The following BATF3 variants were observed in gnomAD, a reference collection of about 807,000 sequenced individuals.
The protein encoded by BATF3 is basic leucine zipper ATF-like transcription factor 3.
In BATF3, 8 loss-of-function variants were observed where a neutral mutation model predicts 16.1. That is an observed-to-expected ratio of 0.50 (90% CI 0.29 to 0.90). The LOEUF (loss-of-function observed/expected upper bound fraction) is 0.90, where lower values mean the gene tolerates loss of function less well. BATF3 is among the 40% of genes least tolerant of loss of function. The probability of loss-of-function intolerance (pLI) is 0.08; values close to 1 mark genes in which losing one functional copy is unlikely to be tolerated. For synonymous variants in BATF3, 74 were observed against 72.7 expected, an observed-to-expected ratio of 1.02 and a Z score of -0.09; for missense variants, 139 against 167.0, an observed-to-expected ratio of 0.83 and a Z score of 0.92.
rs191816262 is a variant in BATF3, at chr1:212,695,836, C to T, written c.195+1125G>A. On this transcript the variant is annotated intron_variant, in intron 2 of 2. Transcript: ENST00000243440. ...GATTATGCAGGTGTATGCATGAGGG[C>T]GGAGGGAAAAGGAATGGCTTAGGAT... 8.8e-3 allele frequency among the ~76,000 whole-genome samples: 1,337 copies of T among 152,058 alleles called. 5 individuals are homozygous for T. The highest frequency in any genetic ancestry group is 0.014 in the Non-Finnish European group (942 of 67,992).
rs1656852918 is a variant in BATF3, at chr1:212,686,520, T to A, written c.*271A>T. 4 of 463,042 alleles carry A rather than the reference T, an allele frequency of 8.6e-6. 1 individual carries two copies. In the South Asian group the frequency reaches 1.9e-4, roughly 22 times the overall value. 28.7% of individuals were successfully genotyped at this position (463,042 alleles called of 1,614,324 possible). On this transcript the variant is annotated 3_prime_UTR_variant, in exon 3 of 3. Coordinates refer to ENST00000243440, the MANE Select transcript of BATF3 (RefSeq NM_018664.3). The stretch of plus-strand genomic sequence containing the variant: ...AAATTCTAGAGGAAATGGCTCTGCA[T>A]AACAGCAGAACCTACTAGCTGCCAG...
At chr1:212,696,758 T>C (rs1337439890) in intron 2 of BATF3, among the ~76,000 whole-genome samples, 1 of 152,118 alleles carries the variant, frequency 6.6e-6, no homozygotes, top group East Asian at 1.9e-4. Flanking sequence ...GAAATAAACT[T>C]GACCATGAGA....
chr1:212,699,051 G>A lies in BATF3; in HGVS notation c.90+622C>T, dbSNP rs564158863. ...AGACCCAGTCTTCGTCGTAAGGCAG[G>A]TGGCCAAGACCCAGGCAAAGTTTCC... On this transcript the variant is annotated intron_variant, in intron 1 of 2. Transcript: ENST00000243440. This position sits in a 1 kb window ranked among gnomAD's most constrained non-coding sequence, Gnocchi z 4.4. Among the ~76,000 whole-genome samples, 1 of 152,360 alleles carries A rather than the reference G, an allele frequency of 6.6e-6. No homozygotes were observed. Among genetic ancestry groups the A allele is most frequent in the East Asian group, 1.9e-4 (1 of 5,194 alleles).
At position 212,695,482 on chromosome 1, in the gene BATF3, C is replaced by A. The variant is rs560318163; in HGVS notation, c.195+1479G>T. 4.2e-3 allele frequency among the ~76,000 whole-genome samples: 397 copies of A among 93,990 alleles called. 1 individual carries two copies. Among genetic ancestry groups the A allele is most frequent in the Middle Eastern group, 0.02 (2 of 100 alleles). 61.7% of individuals were successfully genotyped at this position (93,990 alleles called of 152,430 possible). A position where few individuals can be genotyped will look rare whatever the true frequency, so the allele number is the denominator to read the frequency against. On this transcript the variant is annotated intron_variant, in intron 2 of 2. Coordinates refer to ENST00000243440, the MANE Select transcript of BATF3 (RefSeq NM_018664.3). ...GCACTCCAGCCTGGGCAAACAGAGACTCTGTCTCAAAAAAAAAAAAAAAAA... is the reference window on the plus strand; with the variant it reads ...GCACTCCAGCCTGGGCAAACAGAGAATCTGTCTCAAAAAAAAAAAAAAAAA...
At chr1:212,693,267 G>C (rs1657043144) in intron 2 of BATF3, among the ~76,000 whole-genome samples, 1 of 152,208 alleles carries the variant, frequency 6.6e-6, no homozygotes, top group South Asian at 2.1e-4. Flanking sequence ...CAGAGATGAT[G>C]TTCCTTTGGT....
In BATF3 at chr1:212,690,735, C is replaced by T. The variant is rs561324200; in HGVS notation, c.196-3756G>A. 1.1e-4 allele frequency among the ~76,000 whole-genome samples: 17 copies of T among 152,284 alleles called. No homozygotes were observed. In the South Asian group the frequency reaches 1.9e-3, roughly 17 times the overall value. ...CTCGAATTCTGCCAAGTTCCAAATC[C>T]TTTGCCATGGGAGGGTTTGAGGTTG... On this transcript the variant is annotated intron_variant, in intron 2 of 2. Transcript: ENST00000243440.
At chr1:212,691,911 C>T (rs1323346199) in intron 2 of BATF3, among the ~76,000 whole-genome samples, 2 of 152,236 alleles carry the variant, frequency 1.3e-5, no homozygotes, top group Non-Finnish European at 1.5e-5. Flanking sequence ...GAGATGAATG[C>T]AGGTCGAAAT....
At position 212,699,726 on chromosome 1, in the gene BATF3, G is replaced by C; in HGVS notation, c.37C>G (p.Gln13Glu). 7.5e-7 allele frequency: 1 copy of C among 1,328,866 alleles called. No homozygotes were observed. Among genetic ancestry groups the C allele is most frequent in the South Asian group, 2.0e-5 (1 of 50,698 alleles). The allele number at this position is 1,328,866 out of a possible 1,614,324, so 82.3% of individuals were successfully genotyped here. A position where few individuals can be genotyped will look rare whatever the true frequency, so the allele number is the denominator to read the frequency against. ...TTCCCGGGCGCCGCGACGCTCCTCTGCAGGACGCTGCCGGCGGCCGGGAGC... is the reference window on the plus strand; with the variant it reads ...TTCCCGGGCGCCGCGACGCTCCTCTCCAGGACGCTGCCGGCGGCCGGGAGC... The part of the protein sequence containing the change: ...QGLPAAGSVL[Q>E]RSVAAPGNQP... Residue 13 changes from glutamine to glutamate, a missense_variant, in exon 1 of 3, where the codon CAG becomes GAG. Physicochemically the swap from Gln to Glu is conservative, Grantham distance 29 (BLOSUM62 2). Coordinates refer to ENST00000243440, the MANE Select transcript of BATF3 (RefSeq NM_018664.3). This position sits in a 1 kb window ranked among gnomAD's most constrained non-coding sequence, Gnocchi z 4.4.
At chr1:212,692,079 C>T (rs1020776728) in intron 2 of BATF3, among the ~76,000 whole-genome samples, 2 of 152,242 alleles carry the variant, frequency 1.3e-5, no homozygotes, top group South Asian at 2.1e-4. Context: ...ACCCCAGCCC[C>T]TGCCTCTCTG....
rs772803869 is a variant in BATF3 at position 212,689,151 on chromosome 1, C to A, written c.196-2172G>T. ...CACTCATATGAAGTAATGTCTCCCC[C>A]CAAAGATCAGAAATGTAAAGGACCT... On this transcript the variant is annotated intron_variant, in intron 2 of 2. Coordinates refer to ENST00000243440, the MANE Select transcript of BATF3 (RefSeq NM_018664.3). The surrounding 1 kb of genome is among the most constrained non-coding windows in gnomAD (Gnocchi z 4.6). Among the ~76,000 whole-genome samples the A allele has an allele frequency of 1.3e-5, 2 of 152,160 alleles. No individual in the cohort carries two copies. The highest frequency in any genetic ancestry group is 1.9e-4 in the East Asian group (1 of 5,202).
chr1:212,694,461 G>C (rs1657079358), intron 2 of BATF3, among the ~76,000 whole-genome samples: 1 of 151,938 alleles, frequency 6.6e-6, no homozygotes, highest in Admixed American at 6.6e-5. Flanking sequence ...TTGTGAAATG[G>C]ATCTACTCGA....
At chr1:212,692,435 G>C (rs533538577) in intron 2 of BATF3, among the ~76,000 whole-genome samples, 1 of 152,176 alleles carries the variant, frequency 6.6e-6, no homozygotes, top group Non-Finnish European at 1.5e-5. Flanking sequence ...TATAGGTAGA[G>C]TATGTGAGTG....
chr1:212,690,408 C>T (rs1189171621), intron 2 of BATF3, among the ~76,000 whole-genome samples: 1 of 152,218 alleles, frequency 6.6e-6, no homozygotes, highest in African/African-American at 2.4e-5. Flanking sequence ...TCTGCCTTCT[C>T]CATAAGGACT....
intron 2 of BATF3, among the ~76,000 whole-genome samples, chr1:212,693,671 C>A (rs1657056733): frequency 6.6e-6 from 1 of 152,150 alleles, no homozygotes; most frequent in Admixed American, 6.5e-5. Flanking sequence ...GAGGTCTCCA[C>A]CCCACAGTTC....
rs1250183014 is a variant in BATF3, at chr1:212,699,443, T to A, written c.90+230A>T. Among the ~76,000 whole-genome samples the A allele has an allele frequency of 4.6e-5, 7 of 152,194 alleles. No individual in the cohort carries two copies. In the East Asian group the frequency reaches 1.4e-3, roughly 30 times the overall value. On this transcript the variant is annotated intron_variant, in intron 1 of 2. Coordinates refer to ENST00000243440, the MANE Select transcript of BATF3 (RefSeq NM_018664.3). The surrounding 1 kb of genome is among the most constrained non-coding windows in gnomAD (Gnocchi z 4.4). ...TTCTTCCCCCAGAGGGCGCAGGAGC[T>A]GGCTCAGGAGCCATTCCAGGAGCCG...
Position 212,689,077 on chromosome 1 carries a change from C to T in BATF3, c.196-2098G>A, listed in dbSNP as rs1656931645. 6.6e-6 allele frequency among the ~76,000 whole-genome samples: 1 copy of T among 152,164 alleles called. No individual in the cohort carries two copies. The highest frequency in any genetic ancestry group is 1.5e-5 in the Non-Finnish European group (1 of 68,042). On this transcript the variant is annotated intron_variant, in intron 2 of 2. Coordinates refer to ENST00000243440, the MANE Select transcript of BATF3 (RefSeq NM_018664.3). This position sits in a 1 kb window ranked among gnomAD's most constrained non-coding sequence, Gnocchi z 4.6. ...TCCCTGACCACAGCACCTACAGGAA[C>T]CACATCTTTTATTATGTGTTCTATT...
At chr1:212,690,010 C>G (rs1010918578) in intron 2 of BATF3, among the ~76,000 whole-genome samples, 1 of 151,892 alleles carries the variant, frequency 6.6e-6, no homozygotes, top group African/African-American at 2.4e-5. Flanking sequence ...ACACCTCACA[C>G]AGTCACACAC....
chr1:212,694,302 T>C (rs943651873), intron 2 of BATF3, among the ~76,000 whole-genome samples: 1 of 152,196 alleles, frequency 6.6e-6, no homozygotes, highest in Admixed American at 6.5e-5. Flanking sequence ...TAAATTTGTG[T>C]TGTTTTAAGC....
At chr1:212,696,398 G>C (rs1284113890) in intron 2 of BATF3, among the ~76,000 whole-genome samples, 1 of 151,812 alleles carries the variant, frequency 6.6e-6, no homozygotes, top group Non-Finnish European at 1.5e-5. Flanking sequence ...GGCACTGATG[G>C]CTGCAATGGG....
Sources: gnomAD v4.1 joint callset for allele counts (sites outside exome capture counted in the v4.1 genomes callset) on GRCh38, gnomAD v4.1.1 for gene constraint, Gnocchi (gnomAD v3.1) non-coding constraint, MANE v1.5 for transcripts, NCBI Gene and HGNC (gene_info 2026-07-23, HGNC 2026-07-21) for gene names.